Variants in RNF4 observed in about 807,000 individuals in gnomAD.
RNF4 encodes the protein E3 ubiquitin-protein ligase RNF4.
A neutral mutation model predicts 24.3 loss-of-function variants in RNF4; 7 were observed. The observed-to-expected ratio is 0.29, with a 90% CI of 0.16 to 0.54. The LOEUF is 0.54. Among genes scored for constraint, RNF4 ranks in the 20% least tolerant of loss-of-function variants. The pLI is 0.95. For synonymous variants in RNF4, 83 were observed against 84.3 expected (o/e 0.98, Z 0.09); for missense variants, 209 against 248.5 (o/e 0.84, Z 1.07).
intron 4 of RNF4, among the ~76,000 whole-genome samples, chr4:2,501,124 G>A (rs1735897445): frequency 6.6e-6 from 1 of 152,106 alleles, no homozygotes; most frequent in South Asian, 2.1e-4. Flanking sequence ...TGTGACCTTG[G>A]GCATGTGACT....
intron 4 of RNF4, chr4:2,505,576 CG>C (rs1198037023): frequency 6.7e-6 from 1 of 148,674 alleles, no homozygotes; most frequent in Non-Finnish European, 1.5e-5. Context: ...CCGCCCGCCT[CG>C]GCCTCCCAAA....
chr4:2,515,611 A>G lies in RNF4; in HGVS notation c.*1792A>G, dbSNP rs1192768724. On this transcript the variant is annotated 3_prime_UTR_variant, in exon 8 of 8. Coordinates refer to ENST00000314289, the MANE Select transcript of RNF4 (RefSeq NM_002938.5). ...TCCTTAAAGACAACTTCAGTGGTTA[A>G]TTATAAAAGTTGTGTTACTTCGTCC... 6.6e-6 allele frequency: 1 copy of G among 152,486 alleles called. No individual in the cohort carries two copies. Among genetic ancestry groups the G allele is most frequent in the African/African-American group, 2.4e-5 (1 of 41,462 alleles). The allele number at this position is 152,486 out of a possible 1,614,324, so 9.4% of individuals were successfully genotyped here.
intron 3 of RNF4, among the ~76,000 whole-genome samples, chr4:2,498,646 C>T (rs929665878): frequency 6.6e-6 from 1 of 152,156 alleles, no homozygotes; most frequent in Non-Finnish European, 1.5e-5. Context: ...AAGATTATCA[C>T]GGTTTTTATT....
chr4:2,503,019 T>C (rs1735963682), intron 4 of RNF4, among the ~76,000 whole-genome samples: 1 of 151,992 alleles, frequency 6.6e-6, no homozygotes, highest in Admixed American at 6.6e-5. Flanking sequence ...CACTACTAAA[T>C]TTGGGTCGGG....
intron 1 of RNF4, among the ~76,000 whole-genome samples, chr4:2,474,806 C>T (rs1217019438): frequency 6.6e-6 from 1 of 152,198 alleles, no homozygotes; most frequent in Non-Finnish European, 1.5e-5. Flanking sequence ...AGGCGGATCA[C>T]CTCAGGTTGG....
At chr4:2,470,256 A>G (rs1734861425) in intron 1 of RNF4, among the ~76,000 whole-genome samples, 1 of 152,204 alleles carries the variant, frequency 6.6e-6, no homozygotes, top group South Asian at 2.1e-4. Context: ...TTGGCAGCAG[A>G]TGAGGTTAAG....
intron 1 of RNF4, among the ~76,000 whole-genome samples, chr4:2,479,380 A>G (rs1735178858): frequency 6.6e-6 from 1 of 152,150 alleles, no homozygotes; most frequent in African/African-American, 2.4e-5. Flanking sequence ...GGGAGGGGCC[A>G]GGGGTGGAAT....
At chr4:2,500,770 C>G (rs373800748) in intron 4 of RNF4, 32 bp downstream of exon 4, 1 of 1,606,360 alleles carries the variant, frequency 6.2e-7, no homozygotes, top group Non-Finnish European at 8.5e-7. Flanking sequence ...TCGGCTGTTT[C>G]TTGGGTATGG....
chr4:2,484,927 T>C (rs992834722), intron 1 of RNF4, among the ~76,000 whole-genome samples: 13 of 152,230 alleles, frequency 8.5e-5, no homozygotes, highest in African/African-American at 3.1e-4. Context: ...GATCTCAACA[T>C]GTCATCTCTG....
At chr4:2,499,670 A>T (rs1402943674) in intron 3 of RNF4, among the ~76,000 whole-genome samples, 1 of 152,142 alleles carries the variant, frequency 6.6e-6, no homozygotes, top group East Asian at 1.9e-4. Context: ...GTTGTACGTT[A>T]ACTGTTTGGT....
chr4:2,478,675 G>C (rs930403863), intron 1 of RNF4, among the ~76,000 whole-genome samples: 5 of 152,234 alleles, frequency 3.3e-5, no homozygotes, highest in African/African-American at 1.2e-4. Context: ...CAACAATGAG[G>C]GTTTGGGAAC....
intron 1 of RNF4, among the ~76,000 whole-genome samples, chr4:2,475,559 C>T (rs1357761283): frequency 3.3e-5 from 5 of 151,470 alleles, no homozygotes; most frequent in African/African-American, 1.2e-4. Flanking sequence ...AGGATGGTCT[C>T]GATCTCCTGA....
intron 2 of RNF4, among the ~76,000 whole-genome samples, chr4:2,494,146 A>G (rs141650780): frequency 4.9e-4 from 74 of 152,326 alleles, no homozygotes; most frequent in African/African-American, 1.7e-3. Context: ...CTGGTGCTGT[A>G]AAGAAATAGC....
chr4:2,494,578 C>T (rs988190758), intron 2 of RNF4: 1 of 151,724 alleles, frequency 6.6e-6, no homozygotes, highest in African/African-American at 2.4e-5. Context: ...GATGGGGTTT[C>T]TACGTGTTAG....
intron 4 of RNF4, among the ~76,000 whole-genome samples, chr4:2,511,674 G>GTGTGGC (rs567316091): frequency 6.8e-4 from 104 of 152,098 alleles, no homozygotes; most frequent in African/African-American, 2.3e-3. Context: ...TCAGCACATG[G>GTGTGGC]TGTGGCTGTG....
intron 4 of RNF4, among the ~76,000 whole-genome samples, chr4:2,502,217 T>G (rs1465297574): frequency 6.6e-6 from 1 of 152,068 alleles, no homozygotes; most frequent in East Asian, 1.9e-4. Context: ...GTTTTTTGTT[T>G]TTTGTTTTTC....
intron 2 of RNF4, among the ~76,000 whole-genome samples, chr4:2,495,702 G>T (rs1209292526): frequency 2.0e-5 from 3 of 151,462 alleles, no homozygotes; most frequent in Admixed American, 6.6e-5. Flanking sequence ...GCACAATCTC[G>T]GCTCACCGCA....
At chr4:2,485,089 ACTC>A (rs1002586511) in intron 1 of RNF4, among the ~76,000 whole-genome samples, 2 of 150,872 alleles carry the variant, frequency 1.3e-5, no homozygotes, top group Admixed American at 1.3e-4. Flanking sequence ...TTCTTAATTA[ACTC>A]CTCCTGTCAC....
At chr4:2,478,115 C>T (rs192828384) in intron 1 of RNF4, among the ~76,000 whole-genome samples, 58 of 152,242 alleles carry the variant, frequency 3.8e-4, no homozygotes, top group Admixed American at 8.5e-4. Context: ...CGCATTTTGC[C>T]CCTGCCCTAG....
Sources: allele counts gnomAD v4.1 joint callset (sites outside exome capture counted in the v4.1 genomes callset), GRCh38; gene constraint gnomAD v4.1.1; transcripts MANE v1.5; gene names NCBI Gene and HGNC (gene_info 2026-07-23, HGNC 2026-07-21).